CD72: variants seen among roughly 807,000 people sequenced by gnomAD.
CD72 encodes the protein CD72 molecule, also known as B-cell differentiation antigen CD72.
A neutral mutation model predicts 50.7 loss-of-function variants in CD72; 28 were observed. The ratio of observed to expected loss-of-function variants is 0.55; its 90% CI spans 0.41 to 0.76. The LOEUF (loss-of-function observed/expected upper bound fraction) is 0.76. Among genes scored for constraint, CD72 ranks in the 30% least tolerant of loss-of-function variants. The probability of loss-of-function intolerance (pLI) is 0.00; values close to 1 mark genes in which losing one functional copy is unlikely to be tolerated. For synonymous variants in CD72, 176 were observed against 171.2 expected, an observed-to-expected ratio of 1.03 and a Z score of -0.22; for missense variants, 403 against 420.6, an observed-to-expected ratio of 0.96 and a Z score of 0.37.
chr9:35,646,390 A>G (rs1464310369), intron 1 of CD72: 1 of 152,310 alleles, frequency 6.6e-6, no homozygotes, highest in Admixed American at 6.5e-5. Context: ...AAAGGAGTCC[A>G]CTAGGGAAGT....
intron 1 of CD72, among the ~76,000 whole-genome samples, chr9:35,645,844 C>T (rs1823387516): frequency 6.6e-6 from 1 of 151,776 alleles, no homozygotes; most frequent in Non-Finnish European, 1.5e-5. Flanking sequence ...CTTCCAAAGA[C>T]CCTCCCCACC....
intron 1 of CD72, among the ~76,000 whole-genome samples, chr9:35,641,215 C>T (rs752327284): frequency 7.2e-5 from 11 of 152,110 alleles, no homozygotes; most frequent in Non-Finnish European, 1.5e-4. Flanking sequence ...TCATTAACAT[C>T]GGAGCATGGG....
chr9:35,615,883 CACT>C (rs1823055349), intron 5 of CD72, 57 bp downstream of exon 5: 2 of 1,355,364 alleles, frequency 1.5e-6, no homozygotes, highest in Non-Finnish European at 1.0e-6. Context: ...AGACTCCTGC[CACT>C]ACTATCTCCT....
In CD72 at chr9:35,617,227, T is replaced by C; in HGVS notation, c.211A>G (p.Thr71Ala). 6.4e-7 allele frequency: 1 copy of C among 1,564,484 alleles called. No homozygotes were observed. ...GACGTCACGGCTCTCCAGGACGCAG[T>C]TGGCTGCTCCGACTTGACCGCTGTC... ...DKAAVKSEQP[T>A]ASWRAVTSPA... is the part of the protein sequence containing the mutation. The change falls in exon 3 of 9, where the codon ACT becomes GCT. Residue 71 changes from threonine (T) to alanine (A), a missense_variant. Physicochemically the swap from Thr to Ala is moderately conservative, Grantham distance 58 (BLOSUM62 0). Transcript: ENST00000259633.
At chr9:35,644,846 G>A (rs1350283908) in intron 1 of CD72, among the ~76,000 whole-genome samples, 1 of 144,836 alleles carries the variant, frequency 6.9e-6, no homozygotes, top group African/African-American at 2.6e-5. Flanking sequence ...TTCCCCCACA[G>A]AATTAGTCAG....
intron 6 of CD72, 163 bp downstream of exon 6, chr9:35,612,685 G>T: frequency 1.5e-6 from 1 of 667,162 alleles, no homozygotes; most frequent in Non-Finnish European, 2.6e-6. Context: ...AGATGCAGAG[G>T]TTGTTTCCAA....
At chr9:35,623,948 G>A (rs1205987781), upstream of CD72, among the ~76,000 whole-genome samples, 1 of 150,620 alleles carries the variant, frequency 6.6e-6, no homozygotes, top group Non-Finnish European at 1.5e-5. Flanking sequence ...AATTTATAAA[G>A]GCCAGGCCCA....
At position 35,610,612 on chromosome 9, in the gene CD72, C is replaced by G; in HGVS notation, c.*12G>C. 6.2e-7 allele frequency: 1 copy of G among 1,612,778 alleles called. No homozygotes were observed. Among genetic ancestry groups the G allele is most frequent in the South Asian group, 1.1e-5 (1 of 90,904 alleles). The stretch of plus-strand genomic sequence containing the variant: ...ATCCCTCACTCTTACCAACTCAGTG[C>G]AAAGGACTGTCCTAATCTGGAAACC... On this transcript the variant is annotated 3_prime_UTR_variant, in exon 8 of 9. Transcript: ENST00000259633.
intron 1 of CD72, among the ~76,000 whole-genome samples, chr9:35,645,582 AAAAAAC>A (rs1459967954): frequency 9.2e-6 from 1 of 108,206 alleles, no homozygotes; most frequent in African/African-American, 2.7e-5. Context: ...ACTCCGTCTC[AAAAAAC>A]AAAAACAAAC....
chr9:35,637,428 ACAACCTCGGGTCCTCAGAC>A (rs1823300920), intron 1 of CD72, among the ~76,000 whole-genome samples: 1 of 152,176 alleles, frequency 6.6e-6, no homozygotes, highest in Non-Finnish European at 1.5e-5. Flanking sequence ...AGATCCACCT[ACAACCTCGGGTCCTCAGAC>A]CAACCAGCCC....
At chr9:35,623,625 T>C (rs973873320), upstream of CD72, among the ~76,000 whole-genome samples, 1 of 152,164 alleles carries the variant, frequency 6.6e-6, no homozygotes, top group African/African-American at 2.4e-5. Flanking sequence ...TGATTAAAAT[T>C]AGCAAGCGAG....
intron 6 of CD72, among the ~76,000 whole-genome samples, chr9:35,612,447 T>C (rs1823000798): frequency 6.6e-6 from 1 of 152,096 alleles, no homozygotes; most frequent in Admixed American, 6.6e-5. Flanking sequence ...TAGCTGGGCG[T>C]GGTGGCATGT....
chr9:35,630,874 C>T (rs750618630), intron 1 of CD72, among the ~76,000 whole-genome samples: 3 of 152,050 alleles, frequency 2.0e-5, no homozygotes, highest in East Asian at 3.8e-4. Flanking sequence ...GATAAACCTG[C>T]GCAACATGGC....
rs1023952967 is a variant in CD72 at position 35,611,900 on chromosome 9, T to C, written c.854A>G (p.Asn285Ser). ...TGAACCACCATTTGGCAACAGTGAATTTAAGAAGTAGTAAGAGTGCTGAGG... is the reference window on the plus strand; with the variant it reads ...TGAACCACCATTTGGCAACAGTGAACTTAAGAAGTAGTAAGAGTGCTGAGG... The part of the protein sequence containing the change: ...YPQSHSYYFL[N>S]SLLPNGGSGN... The change falls in exon 7 of 9, where the codon AAT becomes AGT. Residue 285 changes from asparagine (N) to serine (S), a missense_variant. Asn to Ser is a conservative substitution (Grantham distance 46, BLOSUM62 1). Coordinates refer to ENST00000259633, the MANE Select transcript of CD72 (RefSeq NM_001782.3). The C allele has an allele frequency of 6.3e-7, 1 of 1,595,014 alleles. No individual in the cohort carries two copies. Among genetic ancestry groups the C allele is most frequent in the East Asian group, 2.2e-5 (1 of 44,788 alleles).
In CD72 at chr9:35,616,150, T is replaced by G; in HGVS notation, c.481A>C (p.Arg161=). 1 of 1,614,182 alleles carries G rather than the reference T, an allele frequency of 6.2e-7. No homozygotes were observed. Among genetic ancestry groups the G allele is most frequent in the Non-Finnish European group, 8.5e-7 (1 of 1,180,044 alleles). Residue 161 remains arginine, a synonymous_variant, in exon 5 of 9, where the codon AGG becomes CGG. Transcript: ENST00000259633. ...TCCTGACTCTGCGCCAGCTCTCTCC[T>G]GGACCCCTGCAGATCCTCTGCACTC... ...GQSAEDLQGS[R]RELAQSQEAL...
chr9:35,622,833 A>G (rs1563897528), upstream of CD72, among the ~76,000 whole-genome samples: 1 of 152,122 alleles, frequency 6.6e-6, no homozygotes, highest in Non-Finnish European at 1.5e-5. Flanking sequence ...AAAGTCAGGC[A>G]CAATGGCTCA....
chr9:35,642,666 A>G (rs1243483563), intron 1 of CD72: 1 of 152,202 alleles, frequency 6.6e-6, no homozygotes, highest in African/African-American at 2.4e-5. Context: ...TAGGGCCTGG[A>G]AAGCCGCTTC....
chr9:35,638,824 G>C (rs1823314194), intron 1 of CD72, among the ~76,000 whole-genome samples: 1 of 151,854 alleles, frequency 6.6e-6, no homozygotes, highest in Admixed American at 6.6e-5. Context: ...GATTCCCCAG[G>C]TATAGCTAGG....
At chr9:35,631,914 A>T (rs982695691) in intron 1 of CD72, among the ~76,000 whole-genome samples, 2 of 152,096 alleles carry the variant, frequency 1.3e-5, no homozygotes, top group Non-Finnish European at 1.5e-5. Flanking sequence ...TAAATAAATA[A>T]AAATAAATAA....
Sources: allele counts gnomAD v4.1 joint callset (sites outside exome capture counted in the v4.1 genomes callset), GRCh38; gene constraint gnomAD v4.1.1; transcripts MANE v1.5; gene names NCBI Gene and HGNC (gene_info 2026-07-23, HGNC 2026-07-21).